Variants in GPR149 observed in about 807,000 individuals in gnomAD.
GPR149 encodes probable G protein-coupled receptor 149.
In GPR149, 50 loss-of-function variants were observed where a neutral mutation model predicts 50.2. The observed-to-expected ratio is 1.00, with a 90% CI of 0.79 to 1.26. The LOEUF is 1.26. GPR149 is among the 50% of genes most tolerant of loss of function. GPR149 has a pLI of 0.00. For synonymous variants in GPR149, 405 were observed against 358.2 expected (o/e 1.13, Z -1.48); for missense variants, 983 against 895.4 (o/e 1.10, Z -1.25).
intron 3 of GPR149, among the ~76,000 whole-genome samples, chr3:154,380,476 C>G (rs1714895991): frequency 6.6e-6 from 1 of 152,018 alleles, no homozygotes; most frequent in Non-Finnish European, 1.5e-5. Context: ...AGGCACAAAC[C>G]ATATTTTGCA....
chr3:154,347,540 G>T (rs1039035993), intron 3 of GPR149, among the ~76,000 whole-genome samples: 3 of 152,176 alleles, frequency 2.0e-5, no homozygotes, highest in Non-Finnish European at 4.4e-5. Context: ...TTCAAGATGA[G>T]ATTTAGGTGG....
chr3:154,401,766 G>T (rs1275071684), intron 3 of GPR149, among the ~76,000 whole-genome samples: 2 of 152,170 alleles, frequency 1.3e-5, no homozygotes, highest in Non-Finnish European at 2.9e-5. Context: ...TTTAAAATTA[G>T]TGCAGATCAG....
chr3:154,381,831 TA>T (rs35159220), intron 3 of GPR149, among the ~76,000 whole-genome samples: 133,411 of 152,096 alleles, frequency 0.88, 59,419 homozygotes, highest in Middle Eastern at 0.98. Flanking sequence ...TGTGCACTAT[TA>T]AAAAAAATAT....
chr3:154,353,115 A>T (rs1714124425), intron 3 of GPR149: 2 of 1,484,714 alleles, frequency 1.3e-6, no homozygotes, highest in Non-Finnish European at 9.4e-7. Flanking sequence ...GTGTGGATTC[A>T]TGGCCATTTC....
At chr3:154,350,835 T>TA (rs1280485460) in intron 3 of GPR149, among the ~76,000 whole-genome samples, 8 of 152,180 alleles carry the variant, frequency 5.3e-5, no homozygotes, top group Non-Finnish European at 1.2e-4. Flanking sequence ...GTCCCTTATA[T>TA]AAAATGGCAT....
intron 3 of GPR149, chr3:154,352,864 T>C (rs557693358): frequency 1.1e-5 from 10 of 940,052 alleles, no homozygotes; most frequent in South Asian, 1.0e-4. Flanking sequence ...TCTTGGTTGA[T>C]AAAAACATAT....
intron 3 of GPR149, among the ~76,000 whole-genome samples, chr3:154,363,942 C>T (rs1168961976): frequency 6.6e-6 from 1 of 152,216 alleles, no homozygotes; most frequent in African/African-American, 2.4e-5. Context: ...TACCTTATTC[C>T]TCTTGGTTGT....
intron 3 of GPR149, chr3:154,352,352 T>C (rs1714100908): frequency 2.7e-6 from 3 of 1,117,956 alleles, no homozygotes; most frequent in South Asian, 1.4e-5. Flanking sequence ...CATCATAATA[T>C]TCTTCAATTT....
chr3:154,338,256 G>A lies in GPR149; in HGVS notation c.1639C>T (p.Leu547Phe), dbSNP rs755094392. 2 of 1,563,964 alleles carry A rather than the reference G, an allele frequency of 1.3e-6. No individual in the cohort carries two copies. The highest frequency in any genetic ancestry group is 1.7e-6 in the Non-Finnish European group (2 of 1,155,824). ...RTPRQRSGYA[L>F]AIPLCAFQGT... is the part of the protein sequence containing the mutation. ...TGGAATGCACACAAGGGAATGGCAA[G>A]GGCATAACCGGAACGCTGGGGACAA... is the stretch of plus-strand genomic sequence containing the variant. The change falls in exon 4 of 4, where the codon CTT becomes TTT. Residue 547 changes from leucine (L) to phenylalanine (F), a missense_variant. Leu to Phe is a conservative substitution (Grantham distance 22). Transcript: ENST00000389740.
At chr3:154,342,003 A>T (rs1713809659) in intron 3 of GPR149, among the ~76,000 whole-genome samples, 1 of 152,356 alleles carries the variant, frequency 6.6e-6, no homozygotes, top group South Asian at 2.1e-4. Context: ...ACATATTATT[A>T]GTTATCCATT....
chr3:154,383,492 G>A lies in GPR149; in HGVS notation c.1623+37547C>T, dbSNP rs532629842. Among the ~76,000 whole-genome samples, 18 of 152,196 alleles carry A rather than the reference G, an allele frequency of 1.2e-4. No homozygotes were observed. The East Asian group carries it at 3.5e-3, about 29-fold the overall frequency. On this transcript the variant is annotated intron_variant, in intron 3 of 3. Coordinates refer to ENST00000389740, the MANE Select transcript of GPR149 (RefSeq NM_001038705.3). ...ACAGTGAATATGGGGCACACTGCTT[G>A]CCATATCGAAGTAGTTAAAAAAAAT... is the stretch of plus-strand genomic sequence containing the variant.
At chr3:154,364,166 T>C (rs761123458) in intron 3 of GPR149, among the ~76,000 whole-genome samples, 1 of 152,158 alleles carries the variant, frequency 6.6e-6, no homozygotes, top group East Asian at 1.9e-4. Flanking sequence ...TGCTGAACTA[T>C]GGGAGTAAAA....
At chr3:154,426,904 G>A (rs1318811193) in intron 2 of GPR149, among the ~76,000 whole-genome samples, 1 of 151,334 alleles carries the variant, frequency 6.6e-6, no homozygotes, top group East Asian at 1.9e-4. Flanking sequence ...GTGTGTGTGT[G>A]TGTGTGTGTG....
chr3:154,425,076 C>CA (rs369839148), intron 2 of GPR149, among the ~76,000 whole-genome samples: 36 of 151,738 alleles, frequency 2.4e-4, no homozygotes, highest in South Asian at 2.3e-3. Flanking sequence ...ACAACAACAA[C>CA]AAAAAAACAC....
intron 3 of GPR149, among the ~76,000 whole-genome samples, chr3:154,350,135 T>C (rs1298928556): frequency 6.6e-6 from 1 of 152,160 alleles, no homozygotes; most frequent in African/African-American, 2.4e-5. Flanking sequence ...GATTTGAGGC[T>C]ACAGTGAGCC....
At position 154,426,401 on chromosome 3, in the gene GPR149, T is replaced by C. The variant is rs1712294808; in HGVS notation, c.1174+1115A>G. 2.0e-5 allele frequency among the ~76,000 whole-genome samples: 3 copies of C among 152,326 alleles called. No homozygotes were observed. The South Asian group carries it at 6.2e-4, about 32-fold the overall frequency. On this transcript the variant is annotated intron_variant, in intron 2 of 3. Transcript: ENST00000389740. Reference sequence around the variant, plus strand: ...GTTGAATTGATGGCAGAGTATACTTTGATATCCTCTAGATTTTGCAACCCT... The same window carrying C: ...GTTGAATTGATGGCAGAGTATACTTCGATATCCTCTAGATTTTGCAACCCT...
At chr3:154,360,421 T>C (rs963959126) in intron 3 of GPR149, among the ~76,000 whole-genome samples, 4 of 152,262 alleles carry the variant, frequency 2.6e-5, no homozygotes, top group East Asian at 3.9e-4. Flanking sequence ...ACTGCACATA[T>C]AGAGTAAAAA....
chr3:154,346,160 T>C (rs1713920394), intron 3 of GPR149, among the ~76,000 whole-genome samples: 1 of 152,204 alleles, frequency 6.6e-6, no homozygotes, highest in Non-Finnish European at 1.5e-5. Flanking sequence ...TAGGTGACTT[T>C]AGGCCTCTTA....
intron 3 of GPR149, among the ~76,000 whole-genome samples, chr3:154,372,011 C>G (rs1236401267): frequency 6.9e-6 from 1 of 145,258 alleles, no homozygotes; most frequent in Non-Finnish European, 1.5e-5. Flanking sequence ...CTCTGACTAG[C>G]CTAAAAAGTT....
Sources: allele counts gnomAD v4.1 joint callset (sites outside exome capture counted in the v4.1 genomes callset), GRCh38; gene constraint gnomAD v4.1.1; transcripts MANE v1.5; gene names NCBI Gene and HGNC (gene_info 2026-07-23, HGNC 2026-07-21).